The following UTRN variants were observed in gnomAD, a reference collection of about 807,000 sequenced individuals.
The protein encoded by UTRN is dystrophin-related protein 1.
Under a neutral mutation model 463.9 loss-of-function variants are expected in UTRN, and 283 were observed. That is an observed-to-expected ratio of 0.61 (90% CI 0.55 to 0.67). The LOEUF (loss-of-function observed/expected upper bound fraction) is 0.67. UTRN is among the 30% of genes least tolerant of loss of function. The pLI is 0.00. For missense variants in UTRN, 3,922 were observed against 4,084.3 expected, an observed-to-expected ratio of 0.96 and a Z score of 1.08; for synonymous variants, 1,442 against 1,431.5, an observed-to-expected ratio of 1.01 and a Z score of -0.17.
intron 50 of UTRN, among the ~76,000 whole-genome samples, chr6:144,562,910 A>G (rs1216420924): frequency 6.6e-6 from 1 of 152,262 alleles, no homozygotes; most frequent in African/African-American, 2.4e-5. Flanking sequence ...CTAGCATGAG[A>G]TGGTATCCCA....
chr6:144,665,015 T>A (rs986431973), intron 51 of UTRN, among the ~76,000 whole-genome samples: 6 of 152,184 alleles, frequency 3.9e-5, no homozygotes, highest in Non-Finnish European at 5.9e-5. Flanking sequence ...TTTCCTCTAA[T>A]GATTAACTTT....
intron 51 of UTRN, among the ~76,000 whole-genome samples, chr6:144,658,121 G>A (rs1779513419): frequency 6.6e-6 from 1 of 152,108 alleles, no homozygotes; most frequent in Non-Finnish European, 1.5e-5. Flanking sequence ...ATTTTTACCT[G>A]TGAATTTCTG....
At chr6:144,674,342 A>C (rs9399485) in intron 51 of UTRN, among the ~76,000 whole-genome samples, 7,838 of 145,258 alleles carry the variant, frequency 0.054, 790 homozygotes, top group East Asian at 0.51. Flanking sequence ...TTTTTTTTTT[A>C]ATTATTTTTT....
At position 144,845,871 on chromosome 6, in the gene UTRN, T is replaced by C. The variant is rs71564492; in HGVS notation, c.10271-934T>C. Among the ~76,000 whole-genome samples, 928 of 152,224 alleles carry C rather than the reference T, an allele frequency of 6.1e-3. 4 individuals are homozygous for C. The highest frequency in any genetic ancestry group is 0.01 in the Non-Finnish European group (697 of 68,006). On this transcript the variant is annotated intron_variant, in intron 73 of 74. Transcript: ENST00000367545. ...TTATAGGAAGGGTACTCTTCATGCCTGCTCTTTTTTTCTCACATAGCTCCC... is the reference window on the plus strand; with the variant it reads ...TTATAGGAAGGGTACTCTTCATGCCCGCTCTTTTTTTCTCACATAGCTCCC...
chr6:144,710,422 C>T (rs1785555414), intron 53 of UTRN, among the ~76,000 whole-genome samples: 1 of 152,194 alleles, frequency 6.6e-6, no homozygotes, highest in South Asian at 2.1e-4. Context: ...AAACCCTTCT[C>T]TTACACACAG....
At chr6:144,562,044 T>C in intron 50 of UTRN, among the ~76,000 whole-genome samples, 1 of 152,116 alleles carries the variant, frequency 6.6e-6, no homozygotes, top group Non-Finnish European at 1.5e-5. Context: ...TATTAACAGA[T>C]GAAATTTCTT....
At chr6:144,459,764 A>G (rs1211109127) in intron 21 of UTRN, among the ~76,000 whole-genome samples, 1 of 151,732 alleles carries the variant, frequency 6.6e-6, no homozygotes, top group African/African-American at 2.4e-5. Context: ...CTGGTTTTTT[A>G]TTTTTAGTAG....
intron 53 of UTRN, among the ~76,000 whole-genome samples, chr6:144,703,915 A>G (rs796901339): frequency 6.6e-6 from 1 of 152,146 alleles, no homozygotes; most frequent in Non-Finnish European, 1.5e-5. Flanking sequence ...CTGAGTAGTG[A>G]ATTATGAAAT....
chr6:144,680,740 C>T (rs1278254715), intron 52 of UTRN, among the ~76,000 whole-genome samples: 4 of 152,128 alleles, frequency 2.6e-5, no homozygotes, highest in Admixed American at 6.6e-5. Context: ...TTAGCTGAGC[C>T]TTGAAACATA....
At chr6:144,735,340 G>A (rs181786434) in intron 54 of UTRN, among the ~76,000 whole-genome samples, 1 of 152,282 alleles carries the variant, frequency 6.6e-6, no homozygotes, top group Non-Finnish European at 1.5e-5. Flanking sequence ...CCATGCTGGG[G>A]ACAGAATCCT....
intron 64 of UTRN, among the ~76,000 whole-genome samples, chr6:144,801,474 A>G (rs1488507884): frequency 6.6e-6 from 1 of 152,196 alleles, no homozygotes; most frequent in South Asian, 2.1e-4. Flanking sequence ...TATGTCTATT[A>G]TAGAATAATC....
chr6:144,835,154 G>A (rs577490572), intron 69 of UTRN, among the ~76,000 whole-genome samples: 1 of 152,310 alleles, frequency 6.6e-6, no homozygotes, highest in South Asian at 2.1e-4. Context: ...TAGTTCATTA[G>A]ACAGGTAGTT....
At chr6:144,689,789 A>G (rs1297697671) in intron 52 of UTRN, among the ~76,000 whole-genome samples, 2 of 152,144 alleles carry the variant, frequency 1.3e-5, no homozygotes, top group Non-Finnish European at 2.9e-5. Flanking sequence ...AATAGTAACG[A>G]ACAGGTCACG....
chr6:144,652,258 A>G (rs189376332), intron 51 of UTRN, among the ~76,000 whole-genome samples: 16 of 152,264 alleles, frequency 1.1e-4, no homozygotes, highest in Middle Eastern at 3.4e-3. Context: ...ATATTTTGTT[A>G]CAGTAACCTT....
Position 144,499,435 on chromosome 6 carries a change from G to A in UTRN, c.4764+8G>A. 2 of 1,597,928 alleles carry A rather than the reference G, an allele frequency of 1.3e-6. No homozygotes were observed. The highest frequency in any genetic ancestry group is 1.7e-6 in the Non-Finnish European group (2 of 1,167,888). On this transcript the variant is annotated splice_region_variant and intron_variant, in intron 34 of 74. Coordinates refer to ENST00000367545, the MANE Select transcript of UTRN (RefSeq NM_007124.3). Reference sequence around the variant, plus strand: ...GAAATTTCCTGGGCTAAAGTAAGTTGCAGTTCAGATGAAACACCAGCATGA... The same window carrying A: ...GAAATTTCCTGGGCTAAAGTAAGTTACAGTTCAGATGAAACACCAGCATGA...
At chr6:144,598,967 G>T (rs939922637) in intron 51 of UTRN, among the ~76,000 whole-genome samples, 5 of 152,166 alleles carry the variant, frequency 3.3e-5, no homozygotes, top group Admixed American at 6.6e-5. Flanking sequence ...CTCAAAGGTT[G>T]TTGGAGAATT....
intron 2 of UTRN, among the ~76,000 whole-genome samples, chr6:144,381,144 G>C (rs539269175): frequency 6.6e-6 from 1 of 152,160 alleles, no homozygotes; most frequent in Non-Finnish European, 1.5e-5. Flanking sequence ...GTATCCATTA[G>C]TTATTTTTCG....
At chr6:144,672,515 C>T (rs887853068) in intron 51 of UTRN, among the ~76,000 whole-genome samples, 1 of 152,020 alleles carries the variant, frequency 6.6e-6, no homozygotes, top group Admixed American at 6.6e-5. Context: ...TGTAGTATCA[C>T]CCATTTCATT....
At chr6:144,491,686 C>T (rs1343997221) in intron 32 of UTRN, among the ~76,000 whole-genome samples, 2 of 152,112 alleles carry the variant, frequency 1.3e-5, no homozygotes, top group Non-Finnish European at 2.9e-5. Context: ...AGATGAGACT[C>T]TTTAGGACAG....
Sources: allele counts gnomAD v4.1 joint callset (sites outside exome capture counted in the v4.1 genomes callset), GRCh38; gene constraint gnomAD v4.1.1; transcripts MANE v1.5; gene names NCBI Gene and HGNC (gene_info 2026-07-23, HGNC 2026-07-21).